Variants in PBLD observed in about 807,000 individuals in gnomAD.
PBLD encodes the protein phenazine biosynthesis-like domain-containing protein.
PBLD carries 26 observed loss-of-function variants against 31.3 expected under a neutral mutation model. The ratio of observed to expected loss-of-function variants is 0.83; its 90% CI spans 0.61 to 1.15. PBLD has a LOEUF of 1.15. PBLD is among the 50% of genes most tolerant of loss of function. The pLI, the probability that PBLD is intolerant of heterozygous loss-of-function variation, is 0.00. For synonymous variants in PBLD, 114 were observed against 129.0 expected, an observed-to-expected ratio of 0.88 and a Z score of 0.79; for missense variants, 307 against 351.7, an observed-to-expected ratio of 0.87 and a Z score of 1.02.
At chr10:68,305,482 C>G (rs959213878) in intron 2 of PBLD, among the ~76,000 whole-genome samples, 1 of 150,956 alleles carries the variant, frequency 6.6e-6, no homozygotes, top group Non-Finnish European at 1.5e-5. Flanking sequence ...TGGCCGGGCG[C>G]GGTGCTCACG....
rs59508780 is a variant in PBLD at position 68,319,114 on chromosome 10, A to AAGAAAGAAAGAG, written c.-59-12212_-59-12211insCTCTTTCTTTCT. On this transcript the variant is annotated intron_variant, in intron 1 of 9. Transcript: ENST00000358769. ...AAGAAAGAAAGAAAGAAAGAAAGGA[A>AAGAAAGAAAGAG]AAAGAAAGAAAGAGAGAAGGAGAAA... 1.3e-3 allele frequency among the ~76,000 whole-genome samples: 165 copies of AAGAAAGAAAGAG among 126,100 alleles called. 5 individuals are homozygous for AAGAAAGAAAGAG. The highest frequency in any genetic ancestry group is 4.5e-3 in the African/African-American group (152 of 33,550). The allele number at this position is 126,100 out of a possible 152,430, so 82.7% of individuals were successfully genotyped here. A position where few individuals can be genotyped will look rare whatever the true frequency, so the allele number is the denominator to read the frequency against.
In PBLD at chr10:68,289,815, A is replaced by G. The variant is rs115931321; in HGVS notation, c.424-796T>C. On this transcript the variant is annotated intron_variant, in intron 6 of 9. Transcript: ENST00000358769. ...AGCTGTGAGGATTAAATAAAATCGTATATGTGGAGTATCTGCAGCAGCAAT... is the reference window on the plus strand; with the variant it reads ...AGCTGTGAGGATTAAATAAAATCGTGTATGTGGAGTATCTGCAGCAGCAAT... Among the ~76,000 whole-genome samples the G allele has an allele frequency of 3.4e-3, 518 of 152,250 alleles. 2 individuals carry two copies. Among genetic ancestry groups the G allele is most frequent in the African/African-American group, 0.012 (494 of 41,562 alleles).
chr10:68,326,867 T>C (rs930567741), intron 1 of PBLD, among the ~76,000 whole-genome samples: 1 of 152,042 alleles, frequency 6.6e-6, no homozygotes, highest in Non-Finnish European at 1.5e-5. Flanking sequence ...GCCAACATGG[T>C]GAAACCCCAT....
intron 2 of PBLD, among the ~76,000 whole-genome samples, chr10:68,303,053 C>A (rs2044526013): frequency 1.9e-5 from 1 of 53,502 alleles, no homozygotes; most frequent in Admixed American, 2.9e-4. Context: ...AGGACACCAT[C>A]AATTATTTAT....
chr10:68,328,302 A>G (rs1210303459), intron 1 of PBLD, among the ~76,000 whole-genome samples: 1 of 152,216 alleles, frequency 6.6e-6, no homozygotes, highest in Admixed American at 6.5e-5. Context: ...GGTACTTCAC[A>G]ATGCCACTGG....
intron 1 of PBLD, among the ~76,000 whole-genome samples, chr10:68,312,710 C>T (rs1206270051): frequency 4.0e-5 from 6 of 149,522 alleles, no homozygotes; most frequent in South Asian, 4.2e-4. Flanking sequence ...CCCGGGTTCA[C>T]GCCATTCTCC....
At chr10:68,296,512 T>C in intron 3 of PBLD, 148 bp from the exon 4 acceptor site, 1 of 634,848 alleles carries the variant, frequency 1.6e-6, no homozygotes, top group Non-Finnish European at 2.8e-6. Flanking sequence ...TAGGCAAGCA[T>C]CCTAGGGCTC....
rs2044644972 is a variant in PBLD at position 68,310,111 on chromosome 10, G to A, written c.-59-3208C>T. ...AGATTGTACCACTGCACTCCAGCCTGGGTGACCGAGAGAGACTCTGTCTCA... is the reference window on the plus strand; with the variant it reads ...AGATTGTACCACTGCACTCCAGCCTAGGTGACCGAGAGAGACTCTGTCTCA... On this transcript the variant is annotated intron_variant, in intron 1 of 9. Coordinates refer to ENST00000358769, the MANE Select transcript of PBLD (RefSeq NM_022129.4). Among the ~76,000 whole-genome samples, 2 of 149,252 alleles carry A rather than the reference G, an allele frequency of 1.3e-5. 1 individual carries two copies. The highest frequency in any genetic ancestry group is 4.9e-5 in the African/African-American group (2 of 40,470).
At chr10:68,320,921 G>A (rs2134532895) in intron 1 of PBLD, among the ~76,000 whole-genome samples, 1 of 150,910 alleles carries the variant, frequency 6.6e-6, no homozygotes, top group Non-Finnish European at 1.5e-5. Context: ...TCCCATGTTT[G>A]AGCAATTCTC....
At chr10:68,311,793 T>C (rs1427463231) in intron 1 of PBLD, among the ~76,000 whole-genome samples, 3 of 148,358 alleles carry the variant, frequency 2.0e-5, no homozygotes, top group African/African-American at 7.5e-5. Flanking sequence ...TAGAAAGCAC[T>C]AGGGTGCCAA....
chr10:68,326,237 A>G (rs2044918407), intron 1 of PBLD, among the ~76,000 whole-genome samples: 2 of 152,078 alleles, frequency 1.3e-5, no homozygotes, highest in African/African-American at 4.8e-5. Context: ...ACGTGGTCTC[A>G]CCATGTTGCC....
intron 9 of PBLD, chr10:68,285,028 C>A (rs1347364892): frequency 1.3e-5 from 16 of 1,186,830 alleles, no homozygotes; most frequent in African/African-American, 6.3e-5. Flanking sequence ...CAGTAAGGAA[C>A]CTTGGTCATC....
chr10:68,325,392 C>T (rs1022027277), intron 1 of PBLD, among the ~76,000 whole-genome samples: 5 of 152,054 alleles, frequency 3.3e-5, no homozygotes, highest in Admixed American at 2.6e-4. Context: ...GGTGAAACCC[C>T]GTGTCTACCT....
At chr10:68,284,324 T>C in intron 9 of PBLD, 35 bp from the exon 10 acceptor site, 1 of 1,539,788 alleles carries the variant, frequency 6.5e-7, no homozygotes, top group Non-Finnish European at 9.0e-7. Context: ...TAAGAGTATT[T>C]TCACCCTTTT....
intron 1 of PBLD, among the ~76,000 whole-genome samples, chr10:68,308,930 A>C (rs934508315): frequency 6.7e-6 from 1 of 148,268 alleles, no homozygotes; most frequent in African/African-American, 2.5e-5. Flanking sequence ...TCTTGGTTCC[A>C]TTTACCACGT....
At chr10:68,290,674 A>T (rs924952777) in intron 6 of PBLD, among the ~76,000 whole-genome samples, 13 of 152,266 alleles carry the variant, frequency 8.5e-5, no homozygotes, top group African/African-American at 2.6e-4. Context: ...CCAAGATCAC[A>T]CCATTGCACT....
intron 8 of PBLD, 196 bp downstream of exon 8, chr10:68,288,287 C>T (rs901967277): frequency 1.5e-5 from 9 of 613,754 alleles, no homozygotes; most frequent in Non-Finnish European, 2.5e-5. Flanking sequence ...AGGTTTAACC[C>T]TGTTATCCAC....
Position 68,292,173 on chromosome 10 carries a change from C to T in PBLD, c.349G>A (p.Asp117Asn), listed in dbSNP as rs2044368155. Residue 117 changes from aspartate to asparagine, a missense_variant, in exon 5 of 10, where the codon GAT becomes AAT. Physicochemically the swap from Asp to Asn is conservative, Grantham distance 23 (BLOSUM62 1). Transcript: ENST00000358769. ...AGAGGCAAGTCCAGGACGATGCCAT[C>T]CTCTGCTCGTCTGGCCCTTAGTTCT... ...SGELRARRAE[D>N]GIVLDLPLYP... 7 of 1,613,742 alleles carry T rather than the reference C, an allele frequency of 4.3e-6. No individual in the cohort carries two copies. Among genetic ancestry groups the T allele is most frequent in the Non-Finnish European group, 5.1e-6 (6 of 1,180,008 alleles).
chr10:68,313,711 G>A (rs1388156277), intron 1 of PBLD, among the ~76,000 whole-genome samples: 2 of 152,134 alleles, frequency 1.3e-5, no homozygotes, highest in African/African-American at 4.8e-5. Context: ...AAAAGCTCAA[G>A]GGCCTGGAAG....
Sources: allele counts gnomAD v4.1 joint callset (sites outside exome capture counted in the v4.1 genomes callset), GRCh38; gene constraint gnomAD v4.1.1; transcripts MANE v1.5; gene names NCBI Gene and HGNC (gene_info 2026-07-23, HGNC 2026-07-21).